The following CELF4 variants were observed in gnomAD, a reference collection of about 807,000 sequenced individuals.
CELF4 encodes the protein CUG-BP- and ETR-3-like factor 4.
Under a neutral mutation model 59.9 loss-of-function variants are expected in CELF4, and 18 were observed. The observed-to-expected ratio is 0.30, with a 90% CI of 0.21 to 0.45. CELF4 has a LOEUF of 0.45. Ranked by LOEUF, CELF4 falls within the 20% of genes least tolerant of loss-of-function variation. CELF4 has a pLI of 1.00. For missense variants in CELF4, 456 were observed against 689.0 expected (o/e 0.66, Z 3.79); for synonymous variants, 261 against 267.1 (o/e 0.98, Z 0.22).
chr18:37,562,316 C>A (rs1352107126), intron 1 of CELF4, among the ~76,000 whole-genome samples: 1 of 151,988 alleles, frequency 6.6e-6, no homozygotes, highest in East Asian at 1.9e-4. Context: ...AGGTGGCCAA[C>A]AAATGGAGAC....
At chr18:37,274,761 G>GCCCGCCGCTGCCCTCGC in intron 5 of CELF4, 44 bp downstream of exon 5, 2 of 1,527,818 alleles carry the variant, frequency 1.3e-6, no homozygotes, top group African/African-American at 2.7e-5. Context: ...TGGGGTCTCG[G>GCCCGCCGCTGCCCTCGC]CCCGCCGCTG....
At chr18:37,392,544 C>T (rs1205653804) in intron 2 of CELF4, among the ~76,000 whole-genome samples, 2 of 152,204 alleles carry the variant, frequency 1.3e-5, no homozygotes, top group Non-Finnish European at 2.9e-5. Flanking sequence ...TCTGCCTTCC[C>T]TCCAACAACA....
intron 3 of CELF4, among the ~76,000 whole-genome samples, chr18:37,286,277 A>G (rs2094753334): frequency 6.6e-6 from 1 of 152,222 alleles, no homozygotes; most frequent in Admixed American, 6.5e-5. Context: ...GTTTGTCTCT[A>G]TTAACCATGG....
At chr18:37,501,760 G>A (rs1255528203) in intron 1 of CELF4, among the ~76,000 whole-genome samples, 1 of 152,228 alleles carries the variant, frequency 6.6e-6, no homozygotes, top group Admixed American at 6.5e-5. Context: ...TGGTTGGAGT[G>A]AACAAGTTAT....
intron 2 of CELF4, among the ~76,000 whole-genome samples, chr18:37,328,294 G>A (rs543428993): frequency 5.9e-5 from 9 of 152,238 alleles, no homozygotes; most frequent in Non-Finnish European, 1.0e-4. Flanking sequence ...TCTCAGCAAA[G>A]GTCAGCCTGC....
intron 2 of CELF4, among the ~76,000 whole-genome samples, chr18:37,345,259 A>G (rs1010404031): frequency 1.3e-5 from 2 of 152,240 alleles, no homozygotes; most frequent in East Asian, 3.8e-4. Flanking sequence ...CAAGAAAGCA[A>G]GAAGGTTCCC....
intron 2 of CELF4, among the ~76,000 whole-genome samples, chr18:37,387,051 G>A (rs906003653): frequency 6.6e-6 from 1 of 152,242 alleles, no homozygotes; most frequent in African/African-American, 2.4e-5. Flanking sequence ...CGCTGTGGAG[G>A]CGGCTCCCCA....
intron 1 of CELF4, among the ~76,000 whole-genome samples, chr18:37,506,315 A>G (rs972564332): frequency 2.0e-5 from 3 of 151,992 alleles, no homozygotes; most frequent in Non-Finnish European, 1.5e-5. Flanking sequence ...TTGTTTGGGG[A>G]AAACACAGCC....
intron 1 of CELF4, among the ~76,000 whole-genome samples, chr18:37,526,340 T>C (rs745724224): frequency 2.0e-5 from 3 of 152,238 alleles, no homozygotes; most frequent in Non-Finnish European, 2.9e-5. Context: ...TATGAACTTA[T>C]TTAGTACTTC....
At chr18:37,380,593 TCCATTCATCCA>T (rs1272579594) in intron 2 of CELF4, among the ~76,000 whole-genome samples, 4 of 152,010 alleles carry the variant, frequency 2.6e-5, no homozygotes, top group East Asian at 1.9e-4. Flanking sequence ...TATCCATCCA[TCCATTCATCCA>T]CCATTCATCC....
At chr18:37,366,192 C>T (rs1376209469) in intron 2 of CELF4, among the ~76,000 whole-genome samples, 1 of 152,182 alleles carries the variant, frequency 6.6e-6, no homozygotes, top group Non-Finnish European at 1.5e-5. Context: ...CAAACCAGAT[C>T]TCGAGGCACT....
chr18:37,318,048 G>A (rs1418177935), intron 3 of CELF4, among the ~76,000 whole-genome samples: 1 of 152,164 alleles, frequency 6.6e-6, no homozygotes, highest in African/African-American at 2.4e-5. Context: ...CAAATCCTAA[G>A]CAGATAAGAC....
intron 1 of CELF4, among the ~76,000 whole-genome samples, chr18:37,494,087 G>A (rs111392559): frequency 2.5e-3 from 382 of 152,268 alleles, no homozygotes; most frequent in African/African-American, 8.3e-3. Flanking sequence ...TGTTCAGACC[G>A]AGGGACCTAA....
intron 1 of CELF4, among the ~76,000 whole-genome samples, chr18:37,501,323 G>T (rs926461707): frequency 6.6e-6 from 1 of 152,260 alleles, no homozygotes; most frequent in African/African-American, 2.4e-5. Context: ...TGGGAAGGAT[G>T]AGTCAGAGCT....
chr18:37,525,060 T>C lies in CELF4; in HGVS notation c.287-39453A>G, dbSNP rs865836597. Among the ~76,000 whole-genome samples, 16 of 152,278 alleles carry C rather than the reference T, an allele frequency of 1.1e-4. 1 individual carries two copies. Among genetic ancestry groups the C allele is most frequent in the African/African-American group, 3.8e-4 (16 of 41,582 alleles). ...CTCTCTTTCCTAGGGGCCTCTTGCT[T>C]GGCCAGCCGACCACCCTTCTGGTAT... On this transcript the variant is annotated intron_variant, in intron 1 of 12. Transcript: ENST00000420428.
chr18:37,403,169 G>A (rs1296512743), intron 2 of CELF4, among the ~76,000 whole-genome samples: 1 of 151,858 alleles, frequency 6.6e-6, no homozygotes, highest in Non-Finnish European at 1.5e-5. Flanking sequence ...GGCTGGGGTT[G>A]GGGGAGGGCG....
At chr18:37,509,745 A>G (rs1435884599) in intron 1 of CELF4, among the ~76,000 whole-genome samples, 3 of 152,264 alleles carry the variant, frequency 2.0e-5, no homozygotes, top group Non-Finnish European at 4.4e-5. Flanking sequence ...CAAAACCTAA[A>G]GTAGGAATAG....
At chr18:37,536,282 G>C (rs1316514771) in intron 1 of CELF4, among the ~76,000 whole-genome samples, 2 of 152,148 alleles carry the variant, frequency 1.3e-5, no homozygotes, top group Non-Finnish European at 2.9e-5. Context: ...GCACAGGCCA[G>C]AATGGTTGTG....
At chr18:37,348,503 G>A (rs926375256) in intron 2 of CELF4, among the ~76,000 whole-genome samples, 1 of 152,132 alleles carries the variant, frequency 6.6e-6, no homozygotes, top group African/African-American at 2.4e-5. Context: ...CTATGACACA[G>A]CCTCTGGGGC....
Sources: gnomAD v4.1 joint callset for allele counts (sites outside exome capture counted in the v4.1 genomes callset) on GRCh38, gnomAD v4.1.1 for gene constraint, MANE v1.5 for transcripts, NCBI Gene and HGNC (gene_info 2026-07-23, HGNC 2026-07-21) for gene names.